PTPRT: variants seen among roughly 807,000 people sequenced by gnomAD.
PTPRT encodes the protein receptor-type tyrosine-protein phosphatase T.
A neutral mutation model predicts 176.8 loss-of-function variants in PTPRT; 56 were observed. The ratio of observed to expected loss-of-function variants is 0.32; its 90% CI spans 0.26 to 0.40. The LOEUF is 0.40. Among genes scored for constraint, PTPRT ranks in the 10% least tolerant of loss-of-function variants. The pLI, the probability that PTPRT is intolerant of heterozygous loss-of-function variation, is 1.00. For missense variants in PTPRT, 1,540 were observed against 1,908.2 expected (o/e 0.81, Z 3.60); for synonymous variants, 783 against 739.0 (o/e 1.06, Z -0.96).
At chr20:43,029,894 T>C (rs1986069827) in intron 1 of PTPRT, among the ~76,000 whole-genome samples, 1 of 152,206 alleles carries the variant, frequency 6.6e-6, no homozygotes, top group Non-Finnish European at 1.5e-5. Context: ...GACCACCTAT[T>C]TCCGAGATAG....
intron 9 of PTPRT, among the ~76,000 whole-genome samples, chr20:42,434,970 A>G (rs945160832): frequency 1.3e-5 from 2 of 150,514 alleles, no homozygotes; most frequent in Non-Finnish European, 1.5e-5. Context: ...ATCTCAAAGG[A>G]AAAAACAAAA....
At chr20:42,849,443 G>A (rs552772141) in intron 2 of PTPRT, among the ~76,000 whole-genome samples, 14 of 152,160 alleles carry the variant, frequency 9.2e-5, no homozygotes, top group Non-Finnish European at 1.8e-4. Context: ...CTGCTTCTGG[G>A]GAAAGTGGAA....
intron 7 of PTPRT, among the ~76,000 whole-genome samples, chr20:42,483,261 G>A (rs1156255639): frequency 6.6e-6 from 1 of 152,108 alleles, no homozygotes; most frequent in Non-Finnish European, 1.5e-5. Flanking sequence ...CACTTCCCAG[G>A]TTCAAGGGAT....
chr20:42,167,815 C>T (rs1426423231), intron 16 of PTPRT, among the ~76,000 whole-genome samples: 2 of 152,174 alleles, frequency 1.3e-5, no homozygotes, highest in Non-Finnish European at 2.9e-5. Context: ...AGATTTCTAG[C>T]TATAGGACCT....
rs560844479 is a variant in PTPRT, at chr20:42,514,213, C to T, written c.1154-41651G>A. ...TTTATAATAAAATGCCAATGTTTGC[C>T]TGAAGTGGCTTGACCAATTGATCCT... On this transcript the variant is annotated intron_variant, in intron 7 of 30. Transcript: ENST00000373187. Among the ~76,000 whole-genome samples the T allele has an allele frequency of 6.6e-5, 10 of 152,272 alleles. No homozygotes were observed. In the South Asian group the frequency reaches 2.1e-3, roughly 32 times the overall value.
At chr20:42,857,927 T>TTTTCTG (rs199795667) in intron 2 of PTPRT, among the ~76,000 whole-genome samples, 1,976 of 152,216 alleles carry the variant, frequency 0.013, 45 homozygotes, top group African/African-American at 0.045. Flanking sequence ...CCTTTTTACT[T>TTTTCTG]TTTCTGTTTC....
chr20:43,144,355 T>C (rs77581504), intron 1 of PTPRT, among the ~76,000 whole-genome samples: 1,961 of 152,276 alleles, frequency 0.013, 16 homozygotes, highest in East Asian at 0.044. Context: ...CCTTGATCTC[T>C]CTTCCCAAAA....
chr20:42,313,316 G>C (rs747038692), intron 12 of PTPRT, among the ~76,000 whole-genome samples: 45 of 152,096 alleles, frequency 3.0e-4, no homozygotes, highest in Non-Finnish European at 8.8e-5. Flanking sequence ...CCATTCTTTT[G>C]TTCATTTACC....
At chr20:43,115,181 C>T (rs1308226399) in intron 1 of PTPRT, among the ~76,000 whole-genome samples, 1 of 152,186 alleles carries the variant, frequency 6.6e-6, no homozygotes, top group Non-Finnish European at 1.5e-5. Context: ...ATGGCCTCCT[C>T]CTTCTTGGGA....
rs1555832521 is a variant in PTPRT at position 43,103,748 on chromosome 20, C to CAGTAATAATAATAAT, written c.88+85883_88+85897dup. On this transcript the variant is annotated intron_variant, in intron 1 of 30. Coordinates refer to ENST00000373187, the MANE Select transcript of PTPRT (RefSeq NM_007050.6). The stretch of plus-strand genomic sequence containing the variant: ...ATTTCATTTCATGGAGAGGGGAGAT[C>CAGTAATAATAATAAT]AGTAATAATAATAATAATAATAATA... 5.8e-4 allele frequency among the ~76,000 whole-genome samples: 46 copies of CAGTAATAATAATAAT among 79,558 alleles called. No homozygotes were observed. The East Asian group carries it at 0.012, about 21-fold the overall frequency. 52.2% of individuals were successfully genotyped at this position (79,558 alleles called of 152,430 possible).
chr20:42,961,483 A>G (rs1448943608), intron 1 of PTPRT, among the ~76,000 whole-genome samples: 2 of 152,256 alleles, frequency 1.3e-5, no homozygotes, highest in Admixed American at 6.5e-5. Flanking sequence ...TTTCACTGGA[A>G]GGAAGTAGAA....
At chr20:42,189,079 A>T (rs1990891153) in intron 16 of PTPRT, among the ~76,000 whole-genome samples, 1 of 152,170 alleles carries the variant, frequency 6.6e-6, no homozygotes, top group African/African-American at 2.4e-5. Flanking sequence ...AATGGGACAC[A>T]AATGTGAAGT....
At chr20:42,034,044 C>T in the PTPRT span, among the ~76,000 whole-genome samples, 1 of 152,090 alleles carries the variant, frequency 6.6e-6, no homozygotes, top group African/African-American at 2.4e-5. Context: ...TGACTTACCC[C>T]GAAATTTAGC....
intron 8 of PTPRT, among the ~76,000 whole-genome samples, chr20:42,471,174 A>G (rs1023027037): frequency 6.6e-6 from 1 of 152,222 alleles, no homozygotes; most frequent in African/African-American, 2.4e-5. Context: ...TAATTCTTAC[A>G]TAATTCAGCA....
In PTPRT at chr20:42,072,816, G is replaced by A. The variant is rs2596; in HGVS notation, c.*8063C>T. On this transcript the variant is annotated 3_prime_UTR_variant, in exon 31 of 31. Transcript: ENST00000373187. ...TGTATAGATTTTTTAACACAGCCAT[G>A]TTACAAACATTGTCAGGGAACATTT... 0.98 allele frequency: 214,639 copies of A among 218,110 alleles called. 105,627 individuals are homozygous for A. Among genetic ancestry groups the A allele is most frequent in the East Asian group, 1 (14,780 of 14,780 alleles). The allele number at this position is 218,110 out of a possible 1,614,324, so 13.5% of individuals were successfully genotyped here. A position where few individuals can be genotyped will look rare whatever the true frequency, so the allele number is the denominator to read the frequency against.
At position 42,791,276 on chromosome 20, in the gene PTPRT, C is replaced by G. The variant is rs57623327; in HGVS notation, c.405G>C (p.Val135=). ...CAGTGACGACCCCGGACACATTCCA[C>G]ACAGGGTTCCCTTGGGGGCCACCAT... ...KVNGGPQGNP[V]WNVSGVVTEG... The change falls in exon 3 of 31, where the codon GTG becomes GTC. Residue 135 remains valine (V), a synonymous_variant. Coordinates refer to ENST00000373187, the MANE Select transcript of PTPRT (RefSeq NM_007050.6). 9.3e-4 allele frequency: 1,498 copies of G among 1,614,158 alleles called. 8 individuals carry two copies. In the African/African-American group the frequency reaches 0.012, roughly 13 times the overall value.
At chr20:43,038,821 G>A (rs972409709) in intron 1 of PTPRT, among the ~76,000 whole-genome samples, 2 of 151,746 alleles carry the variant, frequency 1.3e-5, no homozygotes, top group Admixed American at 6.6e-5. Context: ...AAAATATAAC[G>A]GAAACATTTA....
rs1229353120 is a variant in PTPRT at position 43,162,952 on chromosome 20, A to T, written c.88+26694T>A. Among the ~76,000 whole-genome samples, 4 of 152,198 alleles carry T rather than the reference A, an allele frequency of 2.6e-5. No individual in the cohort carries two copies. The East Asian group carries it at 5.8e-4, about 22-fold the overall frequency. On this transcript the variant is annotated intron_variant, in intron 1 of 30. Coordinates refer to ENST00000373187, the MANE Select transcript of PTPRT (RefSeq NM_007050.6). ...AGCCAACATGCCCATCTGTCTCCCC[A>T]AACCAGACGGTGAGCTCCTTGAGGA...
chr20:42,461,992 T>G (rs2071028507), intron 8 of PTPRT, among the ~76,000 whole-genome samples: 1 of 145,428 alleles, frequency 6.9e-6, no homozygotes, highest in Admixed American at 6.8e-5. Context: ...GCTGGAGCAA[T>G]GACATTGAGT....
Sources: gnomAD v4.1 joint callset for allele counts (sites outside exome capture counted in the v4.1 genomes callset) on GRCh38, gnomAD v4.1.1 for gene constraint, MANE v1.5 for transcripts, NCBI Gene and HGNC (gene_info 2026-07-23, HGNC 2026-07-21) for gene names.